The following SATB1 variants were observed in gnomAD, a reference collection of about 807,000 sequenced individuals.
The protein encoded by SATB1 is DNA-binding protein SATB1.
In SATB1, 11 loss-of-function variants were observed where a neutral mutation model predicts 86.9. The ratio of observed to expected loss-of-function variants is 0.13; its 90% confidence interval spans 0.08 to 0.21. The LOEUF is 0.21. Among genes scored for constraint, SATB1 ranks in the 10% least tolerant of loss-of-function variants. The probability of loss-of-function intolerance (pLI) is 1.00; values close to 1 mark genes in which losing one functional copy is unlikely to be tolerated. For missense variants in SATB1, 551 were observed against 937.6 expected, an observed-to-expected ratio of 0.59 and a Z score of 5.39; for synonymous variants, 357 against 357.2, an observed-to-expected ratio of 1.00 and a Z score of 0.01.
At chr3:18,400,905 AT>A (rs1255069108) in intron 5 of SATB1, among the ~76,000 whole-genome samples, 3 of 152,138 alleles carry the variant, frequency 2.0e-5, no homozygotes, top group Non-Finnish European at 4.4e-5. Context: ...ACGGGGAAAT[AT>A]TTCTTTCCTT....
chr3:18,407,956 T>C (rs901016274), intron 5 of SATB1, among the ~76,000 whole-genome samples: 3 of 151,976 alleles, frequency 2.0e-5, no homozygotes, highest in African/African-American at 7.2e-5. Flanking sequence ...GACAGTAAAA[T>C]GGGACAAGCC....
chr3:18,360,436 G>A (rs532528135), intron 9 of SATB1, among the ~76,000 whole-genome samples: 2 of 151,992 alleles, frequency 1.3e-5, no homozygotes, highest in Non-Finnish European at 2.9e-5. Context: ...AAATCTGTTG[G>A]GCTATTTATT....
chr3:18,388,238 C>CAT (rs1446194322), intron 7 of SATB1, among the ~76,000 whole-genome samples: 1 of 152,046 alleles, frequency 6.6e-6, no homozygotes, highest in East Asian at 1.9e-4. Context: ...GGCAGTCAAT[C>CAT]ATCCAGCTAT....
intron 8 of SATB1, among the ~76,000 whole-genome samples, chr3:18,381,798 T>G (rs1286568046): frequency 6.6e-6 from 1 of 152,168 alleles, no homozygotes; most frequent in Non-Finnish European, 1.5e-5. Context: ...AGAAATGTCC[T>G]CTTTTATGGA....
chr3:18,436,929 C>G lies in SATB1; in HGVS notation c.-107-58G>C, dbSNP rs1404593605. ...TAGTTAACCAATTTGATAGAATTGTCTAAGTAAGCCTAAGTCCAGCTTTAA... is the reference window on the plus strand; with the variant it reads ...TAGTTAACCAATTTGATAGAATTGTGTAAGTAAGCCTAAGTCCAGCTTTAA... On this transcript the variant is annotated intron_variant, in intron 1 of 3. Coordinates refer to the SATB1 transcript ENST00000414509. 5 of 152,166 alleles carry G rather than the reference C, an allele frequency of 3.3e-5. No homozygotes were observed. In the South Asian group the frequency reaches 8.3e-4, roughly 25 times the overall value. 9.4% of individuals were successfully genotyped at this position (152,166 alleles called of 1,614,324 possible).
upstream of SATB1, among the ~76,000 whole-genome samples, chr3:18,442,126 A>C (rs1333939913): frequency 6.6e-6 from 1 of 152,118 alleles, no homozygotes; most frequent in African/African-American, 2.4e-5. Flanking sequence ...GGAAATAACT[A>C]TTCAGACTTT....
rs1350269657 is a variant in SATB1, at chr3:18,348,575, A to C, written c.*595T>G. 1 of 152,714 alleles carries C rather than the reference A, an allele frequency of 6.5e-6. No homozygotes were observed. The highest frequency in any genetic ancestry group is 1.5e-5 in the Non-Finnish European group (1 of 68,020). 9.5% of individuals were successfully genotyped at this position (152,714 alleles called of 1,614,324 possible). Reference sequence around the variant, plus strand: ...AAATCATGTAACAATGAGAATGAAAAAAAAGTACAGTGAACTTTTATTTCC... The same window carrying C: ...AAATCATGTAACAATGAGAATGAAACAAAAGTACAGTGAACTTTTATTTCC... On this transcript the variant is annotated 3_prime_UTR_variant, in exon 11 of 11. Coordinates refer to ENST00000338745, the MANE Select transcript of SATB1 (RefSeq NM_002971.6).
chr3:18,375,277 T>A (rs1297434669), intron 9 of SATB1, among the ~76,000 whole-genome samples: 5 of 152,176 alleles, frequency 3.3e-5, no homozygotes, highest in Admixed American at 2.0e-4. Flanking sequence ...ACATTTATTA[T>A]TTAAGAAACT....
At chr3:18,390,178 T>C (rs1696579350) in intron 7 of SATB1, among the ~76,000 whole-genome samples, 1 of 152,116 alleles carries the variant, frequency 6.6e-6, no homozygotes, top group Non-Finnish European at 1.5e-5. Context: ...AGACTGCCAA[T>C]CTGAACAAAA....
intron 9 of SATB1, among the ~76,000 whole-genome samples, chr3:18,359,454 C>T (rs562002952): frequency 7.4e-4 from 113 of 151,900 alleles, no homozygotes; most frequent in African/African-American, 2.5e-3. Context: ...AAAAGAGGAG[C>T]TCTTAATTGA....
intron 10 of SATB1, chr3:18,351,179 T>C: frequency 1.4e-6 from 1 of 721,840 alleles, no homozygotes; most frequent in Admixed American, 2.0e-5. Context: ...CTGCATCTGC[T>C]GGCACAGTGA....
At chr3:18,351,409 C>T (rs1694355074) in intron 10 of SATB1, 2 of 1,544,020 alleles carry the variant, frequency 1.3e-6, no homozygotes, top group Non-Finnish European at 1.7e-6. Context: ...GAGAGGGGCT[C>T]TAAAGGAAAG....
intron 2 of SATB1, among the ~76,000 whole-genome samples, chr3:18,431,145 G>A (rs1267070432): frequency 2.0e-5 from 3 of 152,074 alleles, no homozygotes; most frequent in African/African-American, 4.8e-5. Context: ...ATCCAAAATC[G>A]AGTAAGAAGA....
At chr3:18,356,970 T>C (rs1694673926) in intron 9 of SATB1, among the ~76,000 whole-genome samples, 2 of 151,816 alleles carry the variant, frequency 1.3e-5, no homozygotes, top group South Asian at 2.1e-4. Context: ...TAATGCAATA[T>C]ACATATATGT....
Position 18,349,689 on chromosome 3 carries a change from A to G in SATB1, c.1780-7T>C. 1 of 1,587,556 alleles carries G rather than the reference A, an allele frequency of 6.3e-7. No individual in the cohort carries two copies. The highest frequency in any genetic ancestry group is 8.6e-7 in the Non-Finnish European group (1 of 1,167,538). ...GCTGTTGCTGCTGCTGTTGCTGCAA[A>G]GAAACAAGGAGACAATCAGAGCTCT... is the stretch of plus-strand genomic sequence containing the variant. On this transcript the variant is annotated splice_region_variant and splice_polypyrimidine_tract_variant and intron_variant, in intron 10 of 10. Coordinates refer to ENST00000338745, the MANE Select transcript of SATB1 (RefSeq NM_002971.6). The surrounding 1 kb of genome is among the most constrained non-coding windows in gnomAD (Gnocchi z 5.5).
chr3:18,435,153 A>T (rs1015268443), intron 2 of SATB1: 3 of 152,194 alleles, frequency 2.0e-5, no homozygotes, highest in Admixed American at 6.5e-5. Context: ...TGTGCATATT[A>T]AATATTAATA....
At chr3:18,383,083 A>T (rs1696144072) in intron 8 of SATB1, among the ~76,000 whole-genome samples, 1 of 152,216 alleles carries the variant, frequency 6.6e-6, no homozygotes, top group Non-Finnish European at 1.5e-5. Flanking sequence ...TAGAGCATGT[A>T]AGTTGTGAAA....
At chr3:18,384,878 T>C (rs1239167554) in intron 8 of SATB1, among the ~76,000 whole-genome samples, 1 of 152,206 alleles carries the variant, frequency 6.6e-6, no homozygotes. Flanking sequence ...ATAGATGCCA[T>C]GCTTTTCTCC....
At chr3:18,399,076 TTATC>T (rs1697111245) in intron 5 of SATB1, among the ~76,000 whole-genome samples, 1 of 152,240 alleles carries the variant, frequency 6.6e-6, no homozygotes. Context: ...TTATTACTCT[TTATC>T]TAGACATTCT....
Sources: allele counts gnomAD v4.1 joint callset (sites outside exome capture counted in the v4.1 genomes callset), GRCh38; gene constraint gnomAD v4.1.1; non-coding constraint Gnocchi (gnomAD v3.1); transcripts MANE v1.5; gene names NCBI Gene and HGNC (gene_info 2026-07-23, HGNC 2026-07-21).